PPP1R21: variants seen among roughly 807,000 people sequenced by gnomAD.
PPP1R21 encodes KLRAQ motif containing 1.
Under a neutral mutation model 112.8 loss-of-function variants are expected in PPP1R21, and 85 were observed. The observed-to-expected ratio is 0.75, with a 90% CI of 0.63 to 0.90. The LOEUF (loss-of-function observed/expected upper bound fraction) is 0.90, where lower values mean the gene tolerates loss of function less well. PPP1R21 is among the 40% of genes least tolerant of loss of function. PPP1R21 has a pLI of 0.00. For missense variants in PPP1R21, 1,199 were observed against 901.5 expected, an observed-to-expected ratio of 1.33 and a Z score of -4.23; for synonymous variants, 381 against 322.3, an observed-to-expected ratio of 1.18 and a Z score of -1.95.
intron 13 of PPP1R21, among the ~76,000 whole-genome samples, chr2:48,485,514 T>G (rs370103898): frequency 3.9e-4 from 60 of 152,238 alleles, no homozygotes; most frequent in African/African-American, 1.3e-3. Flanking sequence ...GTAATGAAAC[T>G]CCATACCTTT....
At chr2:48,454,079 C>T (rs559394199) in intron 2 of PPP1R21, among the ~76,000 whole-genome samples, 21 of 151,914 alleles carry the variant, frequency 1.4e-4, no homozygotes, top group Admixed American at 1.2e-3. Context: ...TCCAACATGG[C>T]GAAATGCTGT....
At position 48,458,185 on chromosome 2, in the gene PPP1R21, T is replaced by A; in HGVS notation, c.333T>A (p.Asp111Glu). ...AGCAGAAGAGTGTCTTTGATGAAGA[T>A]CTGCAAAAGAAGATAGAAGAGAATG... ...SQEQKSVFDE[D>E]LQKKIEENER... Residue 111 changes from aspartate (D) to glutamate (E), a missense_variant, in exon 4 of 22, where the codon GAT becomes GAA. Physicochemically the swap from Asp to Glu is conservative, Grantham distance 45. Coordinates refer to ENST00000294952, the MANE Select transcript of PPP1R21 (RefSeq NM_001135629.3). 6.2e-7 allele frequency: 1 copy of A among 1,612,594 alleles called. No individual in the cohort carries two copies. The highest frequency in any genetic ancestry group is 8.5e-7 in the Non-Finnish European group (1 of 1,179,024).
intron 15 of PPP1R21, among the ~76,000 whole-genome samples, chr2:48,492,533 A>G (rs1317526463): frequency 6.6e-6 from 1 of 152,208 alleles, no homozygotes; most frequent in Non-Finnish European, 1.5e-5. Context: ...ATTGGTAGGC[A>G]TTTAGGTTAA....
intron 2 of PPP1R21, among the ~76,000 whole-genome samples, chr2:48,452,754 A>G (rs1667533625): frequency 6.6e-6 from 1 of 152,048 alleles, no homozygotes; most frequent in South Asian, 2.1e-4. Flanking sequence ...TTTGAAAGAC[A>G]TGATAGTTTG....
At chr2:48,458,262 A>G (rs764417658) in intron 4 of PPP1R21, 35 bp downstream of exon 4, 3 of 1,427,616 alleles carry the variant, frequency 2.1e-6, no homozygotes, top group East Asian at 2.3e-5. Flanking sequence ...GAATTAAAAA[A>G]TGGGTCTGTG....
chr2:48,474,594 A>T (rs913853600), intron 11 of PPP1R21, 89 bp from the exon 12 acceptor site: 4 of 1,169,270 alleles, frequency 3.4e-6, no homozygotes, highest in Non-Finnish European at 4.9e-6. Flanking sequence ...CTCTCTTTGG[A>T]TATAGTTGTT....
At position 48,514,813 on chromosome 2, in the gene PPP1R21, G is replaced by C; in HGVS notation, c.*69G>C. ...CTGCTGCACAGAGCCGCAGGGCTGA[G>C]ACCACGTCCATGCTGGCTGCCTTCA... is the stretch of plus-strand genomic sequence containing the variant. On this transcript the variant is annotated 3_prime_UTR_variant, in exon 22 of 22. Coordinates refer to ENST00000294952, the MANE Select transcript of PPP1R21 (RefSeq NM_001135629.3). The C allele has an allele frequency of 1.3e-6, 2 of 1,543,504 alleles. No individual in the cohort carries two copies. The highest frequency in any genetic ancestry group is 1.8e-6 in the Non-Finnish European group (2 of 1,123,880).
At chr2:48,443,150 C>A (rs1482763867) in intron 1 of PPP1R21, among the ~76,000 whole-genome samples, 1 of 152,130 alleles carries the variant, frequency 6.6e-6, no homozygotes. Context: ...ATGGCACTAA[C>A]CAAACATACA....
intron 19 of PPP1R21, 105 bp from the exon 20 acceptor site, chr2:48,509,910 A>C (rs754225744): frequency 1.5e-6 from 1 of 658,018 alleles, no homozygotes; most frequent in Non-Finnish European, 2.6e-6. Context: ...TGTGGAATGA[A>C]TGAGTAGCTT....
rs34664331 is a variant in PPP1R21, at chr2:48,440,812, CGCGGCGGCGGCGGCG to C, written c.-133_-119del. On this transcript the variant is annotated 5_prime_UTR_variant, in exon 1 of 22. Transcript: ENST00000294952. ...GGGAACCCGGAAGTGGAGGAGGAGG[CGCGGCGGCGGCGGCG>C]GCGGCGGCTGCGGTGGCCAAGCAGG... is the stretch of plus-strand genomic sequence containing the variant. 3 of 626,744 alleles carry C rather than the reference CGCGGCGGCGGCGGCG, an allele frequency of 4.8e-6. No individual in the cohort carries two copies. The highest frequency in any genetic ancestry group is 3.7e-5 in the South Asian group (2 of 54,552). 38.8% of individuals were successfully genotyped at this position (626,744 alleles called of 1,614,324 possible). A position where few individuals can be genotyped will look rare whatever the true frequency, so the allele number is the denominator to read the frequency against.
chr2:48,445,794 C>T (rs1423175982), intron 1 of PPP1R21, among the ~76,000 whole-genome samples: 22 of 152,184 alleles, frequency 1.4e-4, no homozygotes, highest in Admixed American at 1.4e-3. Context: ...CTAGCTACTG[C>T]TGCATAATAT....
chr2:48,499,714 A>G (rs1270448717), intron 17 of PPP1R21, among the ~76,000 whole-genome samples: 1 of 152,250 alleles, frequency 6.6e-6, no homozygotes, highest in African/African-American at 2.4e-5. Flanking sequence ...CATGAGGCAG[A>G]TTGTTGGCAC....
intron 15 of PPP1R21, among the ~76,000 whole-genome samples, chr2:48,494,165 G>T (rs1669700177): frequency 1.4e-5 from 2 of 142,768 alleles, no homozygotes; most frequent in South Asian, 4.6e-4. Flanking sequence ...CTGGAGTCTG[G>T]GAGGTCAAGG....
chr2:48,459,270 T>C (rs1558436748), intron 4 of PPP1R21, among the ~76,000 whole-genome samples: 1 of 152,120 alleles, frequency 6.6e-6, no homozygotes, highest in Non-Finnish European at 1.5e-5. Flanking sequence ...GTATTCACAA[T>C]TCTTTATTAG....
chr2:48,464,724 T>C (rs971310299), intron 7 of PPP1R21, among the ~76,000 whole-genome samples: 1 of 152,150 alleles, frequency 6.6e-6, no homozygotes, highest in Non-Finnish European at 1.5e-5. Flanking sequence ...TTGTTTGGGT[T>C]TTTTTTAAGC....
In PPP1R21 at chr2:48,474,384, A is replaced by T. The variant is rs150228757; in HGVS notation, c.1089-299A>T. Among the ~76,000 whole-genome samples the T allele has an allele frequency of 5.7e-3, 866 of 152,336 alleles. 8 individuals carry two copies. The highest frequency in any genetic ancestry group is 0.019 in the African/African-American group (810 of 41,576). On this transcript the variant is annotated intron_variant, in intron 11 of 21. Coordinates refer to ENST00000294952, the MANE Select transcript of PPP1R21 (RefSeq NM_001135629.3). ...GAGACAGTGAGAGACTCCGTCTCAAACAAAAAAGAAAAAGAACATTAGAAA... is the reference window on the plus strand; with the variant it reads ...GAGACAGTGAGAGACTCCGTCTCAATCAAAAAAGAAAAAGAACATTAGAAA...
chr2:48,484,783 T>G (rs1572871522), intron 13 of PPP1R21, among the ~76,000 whole-genome samples: 1 of 152,330 alleles, frequency 6.6e-6, no homozygotes, highest in Admixed American at 6.5e-5. Flanking sequence ...CCCAAAGTGC[T>G]AGATTACAGG....
intron 12 of PPP1R21, among the ~76,000 whole-genome samples, chr2:48,475,108 G>A (rs777124452): frequency 6.6e-6 from 1 of 152,116 alleles, no homozygotes; most frequent in Non-Finnish European, 1.5e-5. Flanking sequence ...ATCCCAGCAC[G>A]TTGGGAGGCT....
In PPP1R21 at chr2:48,515,052, C is replaced by A; in HGVS notation, c.*308C>A. On this transcript the variant is annotated 3_prime_UTR_variant, in exon 22 of 22. Transcript: ENST00000294952. ...AGGTTTTAATTTCAGTATGTAAGAA[C>A]AAATATTTTGTATACTTTCAAACTC... The A allele has an allele frequency of 3.1e-6, 1 of 324,460 alleles. No individual in the cohort carries two copies. The highest frequency in any genetic ancestry group is 5.5e-6 in the Non-Finnish European group (1 of 180,222). The allele number at this position is 324,460 out of a possible 1,614,324, so 20.1% of individuals were successfully genotyped here.
Sources: gnomAD v4.1 joint callset for allele counts (sites outside exome capture counted in the v4.1 genomes callset) on GRCh38, gnomAD v4.1.1 for gene constraint, MANE v1.5 for transcripts, NCBI Gene and HGNC (gene_info 2026-07-23, HGNC 2026-07-21) for gene names.